The following TRMU variants were observed in gnomAD, a reference collection of about 807,000 sequenced individuals.
The protein encoded by TRMU is tRNA mitochondrial 2-thiouridylase, also known as mitochondrial tRNA-specific 2-thiouridylase 1.
In TRMU, 49 loss-of-function variants were observed where a neutral mutation model predicts 46.9. The ratio of observed to expected loss-of-function variants is 1.05; its 90% CI spans 0.83 to 1.33. The LOEUF is 1.33. Ranked by LOEUF, TRMU falls within the 40% of genes most tolerant of loss-of-function variation. TRMU has a pLI of 0.00. For missense variants in TRMU, 572 were observed against 532.4 expected, an observed-to-expected ratio of 1.07 and a Z score of -0.73; for synonymous variants, 241 against 200.9, an observed-to-expected ratio of 1.20 and a Z score of -1.69.
rs532231866 is a variant in TRMU, at chr22:46,338,331, A to G, written c.248+387A>G. 92 of 282,984 alleles carry G rather than the reference A, an allele frequency of 3.3e-4. No homozygotes were observed. Among genetic ancestry groups the G allele is most frequent in the Non-Finnish European group, 5.1e-4 (73 of 142,782 alleles). 17.5% of individuals were successfully genotyped at this position (282,984 alleles called of 1,614,324 possible). A position where few individuals can be genotyped will look rare whatever the true frequency, so the allele number is the denominator to read the frequency against. Reference sequence around the variant, plus strand: ...GGGATTTCTGAGAAAGAGGTGATACATGGCCTGTGCCTCTGAAAACAAGAA... The same window carrying G: ...GGGATTTCTGAGAAAGAGGTGATACGTGGCCTGTGCCTCTGAAAACAAGAA... On this transcript the variant is annotated intron_variant, in intron 2 of 10. Transcript: ENST00000645190. The surrounding 1 kb of genome is among the most constrained non-coding windows in gnomAD (Gnocchi z 4.5).
intron 10 of TRMU, chr22:46,356,319 T>G: frequency 1.8e-6 from 1 of 545,776 alleles, no homozygotes; most frequent in East Asian, 3.2e-5. Context: ...GCTCAGCTGC[T>G]GCCCGGGCCC....
chr22:46,347,284 C>T lies in TRMU; in HGVS notation c.478+740C>T, dbSNP rs1048099583. 4 of 152,284 alleles carry T rather than the reference C, an allele frequency of 2.6e-5. No individual in the cohort carries two copies. Among genetic ancestry groups the T allele is most frequent in the African/African-American group, 9.7e-5 (4 of 41,432 alleles). 9.4% of individuals were successfully genotyped at this position (152,284 alleles called of 1,614,324 possible). A position where few individuals can be genotyped will look rare whatever the true frequency, so the allele number is the denominator to read the frequency against. ...GTTGGAGGGAGCCTTGTCCCGCCATCTGGGGAATAGGGGTCTCTGGGGCTG... is the reference window on the plus strand; with the variant it reads ...GTTGGAGGGAGCCTTGTCCCGCCATTTGGGGAATAGGGGTCTCTGGGGCTG... On this transcript the variant is annotated intron_variant, in intron 4 of 10. Transcript: ENST00000645190. This position sits in a 1 kb window ranked among gnomAD's most constrained non-coding sequence, Gnocchi z 5.0.
Position 46,351,435 on chromosome 22 carries a change from C to T in TRMU, c.652-686C>T, listed in dbSNP as rs976788800. Among the ~76,000 whole-genome samples, 4 of 152,120 alleles carry T rather than the reference C, an allele frequency of 2.6e-5. No homozygotes were observed. The East Asian group carries it at 5.8e-4, about 22-fold the overall frequency. On this transcript the variant is annotated intron_variant, in intron 5 of 10. Transcript: ENST00000645190. This position sits in a 1 kb window ranked among gnomAD's most constrained non-coding sequence, Gnocchi z 6.4. ...AGCCTCACCTCTTCAGGGGCCAGTG[C>T]GGTGGGAGCTGTTGCTCCTTCGTGT... is the stretch of plus-strand genomic sequence containing the variant.
intron 7 of TRMU, chr22:46,353,409 G>C (rs1302351744): frequency 2.9e-6 from 1 of 342,184 alleles, no homozygotes; most frequent in Non-Finnish European, 5.8e-6. Flanking sequence ...CTGTGAAGAC[G>C]TGCAGCTATG....
At chr22:46,337,436 C>T (rs1182761659) in intron 1 of TRMU, among the ~76,000 whole-genome samples, 4 of 152,128 alleles carry the variant, frequency 2.6e-5, no homozygotes, top group Admixed American at 1.3e-4. Flanking sequence ...AAAGAGTTTC[C>T]TTTTTTGATA....
rs185300635 is a variant in TRMU, at chr22:46,337,078, G to A, written c.83-701G>A. On this transcript the variant is annotated intron_variant, in intron 1 of 10. Coordinates refer to ENST00000645190, the MANE Select transcript of TRMU (RefSeq NM_018006.5). ...ATCTGGGATAGGGGTGGTCTTTCGCGTGTGGTGGTGTAGTTTTGACAAAGC... is the reference window on the plus strand; with the variant it reads ...ATCTGGGATAGGGGTGGTCTTTCGCATGTGGTGGTGTAGTTTTGACAAAGC... Among the ~76,000 whole-genome samples, 18 of 152,282 alleles carry A rather than the reference G, an allele frequency of 1.2e-4. 1 individual carries two copies. Among genetic ancestry groups the A allele is most frequent in the African/African-American group, 3.9e-4 (16 of 41,556 alleles).
At chr22:46,355,114 C>T in intron 8 of TRMU, 2 of 457,564 alleles carry the variant, frequency 4.4e-6, no homozygotes, top group Non-Finnish European at 4.0e-6. Flanking sequence ...GGCCGTGCTG[C>T]TGCCCCACAG....
At position 46,349,733 on chromosome 22, in the gene TRMU, G is replaced by A. The variant is rs780884365; in HGVS notation, c.479-558G>A. Among the ~76,000 whole-genome samples, 1 of 152,198 alleles carries A rather than the reference G, an allele frequency of 6.6e-6. No homozygotes were observed. The highest frequency in any genetic ancestry group is 2.4e-5 in the African/African-American group (1 of 41,450). ...CTGCAGGGTCACCTAACAGATGTCA[G>A]CTGAGACTCTCAACAAAAAAACGTT... On this transcript the variant is annotated intron_variant, in intron 4 of 10. Coordinates refer to ENST00000645190, the MANE Select transcript of TRMU (RefSeq NM_018006.5). This position sits in a 1 kb window ranked among gnomAD's most constrained non-coding sequence, Gnocchi z 4.6.
Position 46,342,833 on chromosome 22 carries a change from C to T in TRMU, c.249-429C>T, listed in dbSNP as rs772843900. Among the ~76,000 whole-genome samples the T allele has an allele frequency of 6.6e-6, 1 of 152,264 alleles. No homozygotes were observed. The highest frequency in any genetic ancestry group is 1.5e-5 in the Non-Finnish European group (1 of 68,048). On this transcript the variant is annotated intron_variant, in intron 2 of 10. Coordinates refer to ENST00000645190, the MANE Select transcript of TRMU (RefSeq NM_018006.5). The surrounding 1 kb of genome is among the most constrained non-coding windows in gnomAD (Gnocchi z 4.7). ...ATTATCTGGGCATGGTGCTGCGCAC[C>T]TGTAATCACAGCTATTCGGAAGGCT...
chr22:46,354,430 T>A (rs116831834), intron 8 of TRMU: 93 of 167,946 alleles, frequency 5.5e-4, no homozygotes, highest in Middle Eastern at 3.0e-3. Context: ...AGGACGCGGG[T>A]GCTGCTGCAT....
At chr22:46,346,638 A>ACCCCTCCCTCTGTGCT in intron 4 of TRMU, 94 bp downstream of exon 4, 1 of 1,438,908 alleles carries the variant, frequency 6.9e-7, no homozygotes, top group South Asian at 1.1e-5. Flanking sequence ...GATCACTGCC[A>ACCCCTCCCTCTGTGCT]CCCCTCCCTC....
rs1477303094 is a variant in TRMU at position 46,347,044 on chromosome 22, A to G, written c.478+500A>G. Among the ~76,000 whole-genome samples the G allele has an allele frequency of 6.6e-6, 1 of 152,246 alleles. No individual in the cohort carries two copies. The highest frequency in any genetic ancestry group is 1.9e-4 in the East Asian group (1 of 5,198). On this transcript the variant is annotated intron_variant, in intron 4 of 10. Transcript: ENST00000645190. The surrounding 1 kb of genome is among the most constrained non-coding windows in gnomAD (Gnocchi z 5.0). ...GTTAGTTTATGCGTGTTAGGGAGCC[A>G]AGTTTCACCTTTCTAGAAAAAAGTC...
Position 46,355,438 on chromosome 22 carries a change from C to T in TRMU, c.874-6C>T, listed in dbSNP as rs1439605722. 2 of 1,612,788 alleles carry T rather than the reference C, an allele frequency of 1.2e-6. No individual in the cohort carries two copies. Among genetic ancestry groups the T allele is most frequent in the Non-Finnish European group, 1.7e-6 (2 of 1,179,854 alleles). On this transcript the variant is annotated splice_region_variant and splice_polypyrimidine_tract_variant and intron_variant, in intron 8 of 10. Coordinates refer to ENST00000645190, the MANE Select transcript of TRMU (RefSeq NM_018006.5). ...GGCGTCCCCACCTTCACATTCCATTCTGCAGGCCCCCCGGACAGACCACCC... is the reference window on the plus strand; with the variant it reads ...GGCGTCCCCACCTTCACATTCCATTTTGCAGGCCCCCCGGACAGACCACCC...
At chr22:46,353,972 G>A (rs753481236) in intron 8 of TRMU, 105 bp downstream of exon 8, 16 of 1,040,120 alleles carry the variant, frequency 1.5e-5, no homozygotes, top group Non-Finnish European at 2.4e-5. Context: ...TGGCTTCCTG[G>A]AGGCTGTGAC....
At position 46,335,823 on chromosome 22, in the gene TRMU, C is replaced by A; in HGVS notation, c.59C>A (p.Ala20Asp). 1 of 1,555,680 alleles carries A rather than the reference C, an allele frequency of 6.4e-7. No individual in the cohort carries two copies. Among genetic ancestry groups the A allele is most frequent in the Non-Finnish European group, 8.6e-7 (1 of 1,156,208 alleles). Residue 20 changes from alanine (A) to aspartate (D), a missense_variant, in exon 1 of 11, where the codon GCC (alanine) becomes GAC (aspartate). Ala to Asp is a moderately radical substitution (Grantham distance 126, BLOSUM62 -2). Transcript: ENST00000645190. ...TCCGGCGGCGTGGACAGCGCCGTGG[C>A]CGCGCTGCTGCTGAGGCGGAGAGGT... ...ALSGGVDSAV[A>D]ALLLRRRGYQ...
rs1250379830 is a variant in TRMU at position 46,348,240 on chromosome 22, A to G, written c.478+1696A>G. 2.6e-5 allele frequency among the ~76,000 whole-genome samples: 4 copies of G among 151,896 alleles called. No homozygotes were observed. The East Asian group carries it at 5.8e-4, about 22-fold the overall frequency. On this transcript the variant is annotated intron_variant, in intron 4 of 10. Coordinates refer to ENST00000645190, the MANE Select transcript of TRMU (RefSeq NM_018006.5). This position sits in a 1 kb window ranked among gnomAD's most constrained non-coding sequence, Gnocchi z 4.8. ...GATGCGCCTGCTTACCTCCTAGAAC[A>G]TTACCTCCTAGAACACTGTGTGCCC...
intron 2 of TRMU, among the ~76,000 whole-genome samples, chr22:46,341,922 C>T (rs559995494): frequency 2.6e-5 from 4 of 152,212 alleles, no homozygotes; most frequent in Non-Finnish European, 5.9e-5. Flanking sequence ...TGCAGAATGG[C>T]TCATGGAGCC....
chr22:46,343,115 G>T (rs976280797), intron 2 of TRMU, 147 bp from the exon 3 acceptor site: 1 of 661,176 alleles, frequency 1.5e-6, no homozygotes, highest in African/African-American at 1.8e-5. Context: ...ACAAATGTTC[G>T]ATGACTGACG....
chr22:46,343,412 G>GCGAGACCCTGTCTT, intron 3 of TRMU, 44 bp downstream of exon 3: 1 of 1,411,258 alleles, frequency 7.1e-7, no homozygotes, highest in Non-Finnish European at 1.0e-6. Context: ...TAAAGACAGG[G>GCGAGACCCTGTCTT]TCTCGCTCTG....
Sources: gnomAD v4.1 joint callset for allele counts (sites outside exome capture counted in the v4.1 genomes callset) on GRCh38, gnomAD v4.1.1 for gene constraint, Gnocchi (gnomAD v3.1) non-coding constraint, MANE v1.5 for transcripts, NCBI Gene and HGNC (gene_info 2026-07-23, HGNC 2026-07-21) for gene names.